The following DACH2 variants were observed in gnomAD, a reference collection of about 807,000 sequenced individuals.
DACH2 encodes the protein dachshund family transcription factor 2.
A neutral mutation model predicts 35.8 loss-of-function variants in DACH2; 17 were observed. That is an observed-to-expected ratio of 0.48 (90% CI 0.33 to 0.71). The LOEUF (loss-of-function observed/expected upper bound fraction) is 0.71, where lower values mean the gene tolerates loss of function less well. Ranked by LOEUF, DACH2 falls within the 30% of genes least tolerant of loss-of-function variation. The pLI is 0.02. For synonymous variants in DACH2, 195 were observed against 177.3 expected (o/e 1.10, Z -0.79); for missense variants, 469 against 472.7 (o/e 0.99, Z 0.07).
rs148994486 is a variant in DACH2 at position 86,536,518 on chromosome X, A to G, written c.640+22127A>G. The stretch of plus-strand genomic sequence containing the variant: ...CACCATCTATTTTCTCTGGAGCCTG[A>G]TATCTGGAGCCTTCATCTACATGAT... On this transcript the variant is annotated intron_variant, in intron 3 of 11. Coordinates refer to ENST00000373125, the MANE Select transcript of DACH2 (RefSeq NM_053281.3). Among the ~76,000 whole-genome samples the G allele has an allele frequency of 9.4e-3, 1,048 of 111,712 alleles. 18 individuals carry two copies. Among genetic ancestry groups the G allele is most frequent in the African/African-American group, 0.033 (1,004 of 30,712 alleles).
chrX:86,233,775 C>A (rs1187312846), intron 1 of DACH2, among the ~76,000 whole-genome samples: 1 of 111,230 alleles, frequency 9.0e-6, no homozygotes, highest in Non-Finnish European at 1.9e-5. Context: ...AAAGGCACTT[C>A]TTACATGGTG....
intron 2 of DACH2, among the ~76,000 whole-genome samples, chrX:86,466,464 GC>G (rs2037670423): frequency 9.1e-6 from 1 of 109,976 alleles, no homozygotes; most frequent in African/African-American, 3.3e-5. Context: ...TCTGCCCCTG[GC>G]CCCTCCGAAT....
chrX:86,182,709 T>TGAAG (rs1175124131), intron 1 of DACH2, among the ~76,000 whole-genome samples: 1 of 111,991 alleles, frequency 8.9e-6, no homozygotes, highest in African/African-American at 3.2e-5. Flanking sequence ...CCTAATTCTG[T>TGAAG]GAAGAAAGTC....
At chrX:86,220,002 C>CAAAAAAAA (rs574196058) in intron 1 of DACH2, among the ~76,000 whole-genome samples, 1 of 61,297 alleles carries the variant, frequency 1.6e-5, no homozygotes, top group African/African-American at 6.6e-5. Flanking sequence ...ACTAAAAATA[C>CAAAAAAAA]AAAAAAAAAA....
rs200042636 is a variant in DACH2 at position 86,268,490 on chromosome X, A to ATTTATTTTATTTTAT, written c.489-108286_489-108272dup. Among the ~76,000 whole-genome samples the ATTTATTTTATTTTAT allele has an allele frequency of 6.1e-3, 473 of 77,178 alleles. 5 individuals are homozygous for ATTTATTTTATTTTAT. The highest frequency in any genetic ancestry group is 0.018 in the South Asian group (24 of 1,330). 67.0% of individuals were successfully genotyped at this position (77,178 alleles called of 115,157 possible). On this transcript the variant is annotated intron_variant, in intron 1 of 11. Transcript: ENST00000373125. ...AAAATTTTTTTCATTCATTTAAAAC[A>ATTTATTTTATTTTAT]TTTATTTTATTTTATTTTATTTTAT... is the stretch of plus-strand genomic sequence containing the variant.
At chrX:86,438,529 A>G (rs1396437624) in intron 2 of DACH2, among the ~76,000 whole-genome samples, 1 of 111,340 alleles carries the variant, frequency 9.0e-6, no homozygotes, top group Non-Finnish European at 1.9e-5. Context: ...CTTGGCCCGA[A>G]CTCATTCTTT....
chrX:86,759,563 T>TG lies in DACH2; in HGVS notation c.1240+19681_1240+19682insG, dbSNP rs201122721. 2.0e-3 allele frequency among the ~76,000 whole-genome samples: 219 copies of TG among 109,079 alleles called. 6 individuals carry two copies. Among genetic ancestry groups the TG allele is most frequent in the African/African-American group, 6.9e-3 (205 of 29,646 alleles). The allele number at this position is 109,079 out of a possible 115,157, so 94.7% of individuals were successfully genotyped here. ...CAGCATATAGTTGTTGTTGTTTGTT[T>TG]TTTTTTTTTTTAAAAATCCATTCAG... On this transcript the variant is annotated intron_variant, in intron 7 of 11. Coordinates refer to ENST00000373125, the MANE Select transcript of DACH2 (RefSeq NM_053281.3).
chrX:86,746,187 G>T (rs1240801996), intron 7 of DACH2, among the ~76,000 whole-genome samples: 1 of 111,278 alleles, frequency 9.0e-6, no homozygotes, highest in Non-Finnish European at 1.9e-5. Flanking sequence ...CCACCTTTTG[G>T]CTGTTACAAA....
intron 2 of DACH2, chrX:86,481,484 GAGA>G (rs1282093260): frequency 8.9e-6 from 1 of 111,768 alleles, no homozygotes; most frequent in South Asian, 3.7e-4. Context: ...AAATAAATGA[GAGA>G]AGAACATTTA....
intron 2 of DACH2, among the ~76,000 whole-genome samples, chrX:86,439,816 G>T (rs1318601132): frequency 9.0e-6 from 1 of 110,866 alleles, no homozygotes; most frequent in Non-Finnish European, 1.9e-5. Context: ...TTGAATAGTT[G>T]TATTTTTATT....
intron 1 of DACH2, among the ~76,000 whole-genome samples, chrX:86,372,241 A>G (rs951089948): frequency 9.0e-6 from 1 of 111,280 alleles, no homozygotes; most frequent in Admixed American, 9.6e-5. Context: ...AAGGTCAAAG[A>G]CTTGTCTTTC....
intron 7 of DACH2, among the ~76,000 whole-genome samples, chrX:86,796,423 A>C (rs1321758311): frequency 1.8e-5 from 2 of 111,687 alleles, no homozygotes; most frequent in African/African-American, 6.5e-5. Flanking sequence ...AGCTGGCTTC[A>C]CCTCTCAATA....
At chrX:86,719,306 G>A (rs147135335) in intron 6 of DACH2, among the ~76,000 whole-genome samples, 1,215 of 111,579 alleles carry the variant, frequency 0.011, 15 homozygotes, top group African/African-American at 0.037. Flanking sequence ...CCAATTTTTT[G>A]TAAAGGGATC....
chrX:86,822,702 T>A (rs2056833408), intron 11 of DACH2, among the ~76,000 whole-genome samples: 1 of 111,595 alleles, frequency 9.0e-6, no homozygotes, highest in African/African-American at 3.3e-5. Context: ...CTTCTTTACA[T>A]CATAGTTAAT....
intron 2 of DACH2, among the ~76,000 whole-genome samples, chrX:86,482,928 G>A (rs901385521): frequency 1.0e-5 from 1 of 95,352 alleles, no homozygotes; most frequent in Non-Finnish European, 2.1e-5. Flanking sequence ...CTCATAGGTG[G>A]GAATTGAACA....
intron 3 of DACH2, among the ~76,000 whole-genome samples, chrX:86,525,865 C>G (rs1207925754): frequency 9.0e-6 from 1 of 111,700 alleles, no homozygotes; most frequent in Non-Finnish European, 1.9e-5. Flanking sequence ...AAAGACATTT[C>G]CATCCCTAGG....
intron 4 of DACH2, among the ~76,000 whole-genome samples, chrX:86,678,777 C>T (rs774978589): frequency 2.1e-4 from 23 of 111,748 alleles, no homozygotes; most frequent in Admixed American, 1.9e-3. Flanking sequence ...TTTAAAAGAG[C>T]CAGCTGATTT....
chrX:86,297,172 T>C (rs1209944544), intron 1 of DACH2, among the ~76,000 whole-genome samples: 1 of 108,651 alleles, frequency 9.2e-6, no homozygotes, highest in African/African-American at 3.4e-5. Flanking sequence ...TTTCAGAATA[T>C]TATGGGGTTA....
At chrX:86,306,850 T>G (rs1198905680) in intron 1 of DACH2, among the ~76,000 whole-genome samples, 3 of 111,202 alleles carry the variant, frequency 2.7e-5, no homozygotes, top group African/African-American at 9.8e-5. Flanking sequence ...GTACCAGAAG[T>G]GGGGTGATTC....
Sources: gnomAD v4.1 joint callset for allele counts (sites outside exome capture counted in the v4.1 genomes callset) on GRCh38, gnomAD v4.1.1 for gene constraint, MANE v1.5 for transcripts, NCBI Gene and HGNC (gene_info 2026-07-23, HGNC 2026-07-21) for gene names.